Variants in RNF19A observed in about 807,000 individuals in gnomAD.
RNF19A encodes ring finger protein 19A, RBR E3 ubiquitin protein ligase, also known as E3 ubiquitin-protein ligase RNF19A.
Under a neutral mutation model 75.7 loss-of-function variants are expected in RNF19A, and 32 were observed. The ratio of observed to expected loss-of-function variants is 0.42; its 90% CI spans 0.32 to 0.57. The LOEUF (loss-of-function observed/expected upper bound fraction) is 0.57, where lower values mean the gene tolerates loss of function less well. Among genes scored for constraint, RNF19A ranks in the 20% least tolerant of loss-of-function variants. The pLI, the probability that RNF19A is intolerant of heterozygous loss-of-function variation, is 0.10. For missense variants in RNF19A, 782 were observed against 1,036.3 expected (o/e 0.75, Z 3.37); for synonymous variants, 335 against 345.2 (o/e 0.97, Z 0.33).
In RNF19A at chr8:100,264,043, T is replaced by C; in HGVS notation, c.1459A>G (p.Thr487Ala). The part of the protein sequence containing the change: ...ENDINVGGTN[T>A]AVDTTSVAEA... ...TGCTTAAAGGACTTACCTACAGCTG[T>C]GTTAGTTCCACCAACATTTATATCA... Residue 487 changes from threonine (T) to alanine (A), a missense_variant, in exon 7 of 10, where the codon ACA becomes GCA. This residue lies in a region of RNF19A where 442 missense variants were observed against 541.6 expected (regional missense o/e 0.82). Coordinates refer to ENST00000341084, the MANE Select transcript of RNF19A (RefSeq NM_183419.4). This position sits in a 1 kb window ranked among gnomAD's most constrained non-coding sequence, Gnocchi z 4.7. The C allele has an allele frequency of 6.2e-7, 1 of 1,613,500 alleles. No individual in the cohort carries two copies. The highest frequency in any genetic ancestry group is 1.7e-5 in the Admixed American group (1 of 59,954).
intron 1 of RNF19A, among the ~76,000 whole-genome samples, chr8:100,326,109 C>T (rs1021737791): frequency 6.6e-6 from 1 of 152,134 alleles, no homozygotes; most frequent in Non-Finnish European, 1.5e-5. Context: ...CGTTTTCAGT[C>T]TGTCTCCACC....
At chr8:100,289,518 A>G (rs571334908) in intron 1 of RNF19A, among the ~76,000 whole-genome samples, 2 of 152,322 alleles carry the variant, frequency 1.3e-5, no homozygotes, top group African/African-American at 4.8e-5. Flanking sequence ...GGGACTTAAC[A>G]GGCATTTCAC....
At chr8:100,327,606 T>C (rs954113299) in intron 1 of RNF19A, among the ~76,000 whole-genome samples, 1 of 152,180 alleles carries the variant, frequency 6.6e-6, no homozygotes, top group Admixed American at 6.5e-5. Flanking sequence ...CTCTCTCCTA[T>C]AGGTGATGTC....
At position 100,261,434 on chromosome 8, in the gene RNF19A, G is replaced by T; in HGVS notation, c.1682+108C>A. Reference sequence around the variant, plus strand: ...TTTTAACATTACTATTTTGAACCTTGACATAGTAGGGTTATATATAATCAT... The same window carrying T: ...TTTTAACATTACTATTTTGAACCTTTACATAGTAGGGTTATATATAATCAT... On this transcript the variant is annotated intron_variant, in intron 8 of 9. Transcript: ENST00000341084. The surrounding 1 kb of genome is among the most constrained non-coding windows in gnomAD (Gnocchi z 4.4). The T allele has an allele frequency of 1.0e-6, 1 of 972,020 alleles. No homozygotes were observed. The highest frequency in any genetic ancestry group is 1.6e-6 in the Non-Finnish European group (1 of 632,620). 60.2% of individuals were successfully genotyped at this position (972,020 alleles called of 1,614,324 possible). A position where few individuals can be genotyped will look rare whatever the true frequency, so the allele number is the denominator to read the frequency against.
At chr8:100,308,002 G>A (rs1280326764) in intron 1 of RNF19A, among the ~76,000 whole-genome samples, 1 of 152,090 alleles carries the variant, frequency 6.6e-6, no homozygotes, top group Non-Finnish European at 1.5e-5. Context: ...TTTATATTAA[G>A]TCTACTGATC....
In RNF19A at chr8:100,257,304, A is replaced by C. The variant is rs1181985996; in HGVS notation, c.*1252T>G. 1 of 152,630 alleles carries C rather than the reference A, an allele frequency of 6.6e-6. No individual in the cohort carries two copies. Among genetic ancestry groups the C allele is most frequent in the African/African-American group, 2.4e-5 (1 of 41,456 alleles). 9.5% of individuals were successfully genotyped at this position (152,630 alleles called of 1,614,324 possible). ...AGTAGCACCATAATGGTAATACTTA[A>C]AAGAAATACATAAGATAGAACATTT... On this transcript the variant is annotated 3_prime_UTR_variant, in exon 10 of 10. Coordinates refer to ENST00000341084, the MANE Select transcript of RNF19A (RefSeq NM_183419.4).
chr8:100,335,689 G>A (rs928726535), intron 1 of RNF19A, among the ~76,000 whole-genome samples: 1 of 152,204 alleles, frequency 6.6e-6, no homozygotes, highest in Non-Finnish European at 1.5e-5. Flanking sequence ...GCTAGATGGA[G>A]CCTGATTCTC....
chr8:100,264,181 T>C lies in RNF19A; in HGVS notation c.1321A>G (p.Ile441Val), dbSNP rs1819860716. ...AAVTVGIGVP[I>V]MLAYVYGVVP... ...ACGCCATAGACATAAGCTAACATAA[T>C]AGGAACACCGATACCTAAAGAGAAA... The change falls in exon 7 of 10, where the codon ATT becomes GTT. Residue 441 changes from isoleucine (I) to valine (V), a missense_variant. Ile to Val is a conservative substitution (Grantham distance 29, BLOSUM62 3). This residue lies in a region of RNF19A where 442 missense variants were observed against 541.6 expected (regional missense o/e 0.82). Transcript: ENST00000341084. The surrounding 1 kb of genome is among the most constrained non-coding windows in gnomAD (Gnocchi z 4.7). 3.7e-6 allele frequency: 6 copies of C among 1,610,780 alleles called. No homozygotes were observed. The highest frequency in any genetic ancestry group is 2.7e-5 in the African/African-American group (2 of 74,670).
chr8:100,328,180 C>T (rs574171119), intron 1 of RNF19A, among the ~76,000 whole-genome samples: 2 of 152,324 alleles, frequency 1.3e-5, no homozygotes, highest in South Asian at 2.1e-4. Flanking sequence ...ACTCCACCTT[C>T]TGCCACACCC....
intron 3 of RNF19A, among the ~76,000 whole-genome samples, chr8:100,273,825 C>T (rs2129681308): frequency 6.6e-6 from 1 of 152,198 alleles, no homozygotes; most frequent in African/African-American, 2.4e-5. Context: ...CTCTGTCATC[C>T]AGGCTGGAGG....
chr8:100,316,285 G>A (rs908239627), intron 1 of RNF19A, among the ~76,000 whole-genome samples: 1 of 152,160 alleles, frequency 6.6e-6, no homozygotes, highest in South Asian at 2.1e-4. Context: ...GACCCAAAGG[G>A]TGAGCAGTAG....
At chr8:100,312,766 A>T (rs1586694619), upstream of RNF19A, among the ~76,000 whole-genome samples, 3 of 151,814 alleles carry the variant, frequency 2.0e-5, no homozygotes, top group East Asian at 5.8e-4. Flanking sequence ...TCTATAAAAA[A>T]TACAAAAATT....
At chr8:100,290,219 A>C (rs1345985769) in intron 1 of RNF19A, among the ~76,000 whole-genome samples, 1 of 152,090 alleles carries the variant, frequency 6.6e-6, no homozygotes, top group Admixed American at 6.5e-5. Flanking sequence ...GGTTCAAGCA[A>C]TTCTCCTGCC....
chr8:100,289,234 T>C (rs1821178362), intron 1 of RNF19A, among the ~76,000 whole-genome samples: 1 of 151,906 alleles, frequency 6.6e-6, no homozygotes, highest in African/African-American at 2.4e-5. Flanking sequence ...TGTGTGAAAA[T>C]CAATTACAGA....
Position 100,328,990 on chromosome 8 carries a change from G to T in RNF19A, c.-243+7118C>A, listed in dbSNP as rs372771127. On this transcript the variant is annotated intron_variant, in intron 1 of 3. Transcript: ENST00000519527. Reference sequence around the variant, plus strand: ...ATCTAGGAATCTGGGTCTTGCGCAGGTTTATCAGTTTGGCTACATGGTGAT... The same window carrying T: ...ATCTAGGAATCTGGGTCTTGCGCAGTTTTATCAGTTTGGCTACATGGTGAT... Among the ~76,000 whole-genome samples the T allele has an allele frequency of 1.2e-4, 19 of 152,160 alleles. No individual in the cohort carries two copies. The East Asian group carries it at 1.3e-3, about 11-fold the overall frequency.
chr8:100,314,048 A>G (rs993401815), upstream of RNF19A, among the ~76,000 whole-genome samples: 2 of 151,674 alleles, frequency 1.3e-5, no homozygotes, highest in African/African-American at 4.9e-5. The surrounding 1 kb of genome is among the most constrained non-coding windows in gnomAD (Gnocchi z 4.1). Flanking sequence ...TGCCTGGCTA[A>G]TTTTTGTATT....
At chr8:100,310,931 TAAAC>T (rs1005299125), upstream of RNF19A, among the ~76,000 whole-genome samples, 1 of 152,244 alleles carries the variant, frequency 6.6e-6, no homozygotes, top group Non-Finnish European at 1.5e-5. Flanking sequence ...CTTAGTTGAA[TAAAC>T]AAATTCCGTC....
upstream of RNF19A, chr8:100,310,169 C>A: frequency 1.0e-6 from 1 of 985,474 alleles, no homozygotes. Flanking sequence ...CCCCGGCCGC[C>A]CCGCCCCAGC....
chr8:100,276,027 G>A (rs945567771), intron 2 of RNF19A, among the ~76,000 whole-genome samples: 1 of 151,922 alleles, frequency 6.6e-6, no homozygotes, highest in Admixed American at 6.6e-5. Context: ...ATGACTAGCA[G>A]GAATACCTTT....
Sources: allele counts gnomAD v4.1 joint callset (sites outside exome capture counted in the v4.1 genomes callset), GRCh38; gene constraint gnomAD v4.1.1; regional missense constraint gnomAD v4.1.1; non-coding constraint Gnocchi (gnomAD v3.1); transcripts MANE v1.5; gene names NCBI Gene and HGNC (gene_info 2026-07-23, HGNC 2026-07-21).